GGNBP2: variants seen among roughly 807,000 people sequenced by gnomAD.
GGNBP2 encodes the protein gametogenetin-binding protein 2.
A neutral mutation model predicts 85.9 loss-of-function variants in GGNBP2; 10 were observed. The observed-to-expected ratio is 0.12, with a 90% CI of 0.07 to 0.20. The LOEUF (loss-of-function observed/expected upper bound fraction) is 0.20, where lower values mean the gene tolerates loss of function less well. Among genes scored for constraint, GGNBP2 ranks in the 10% least tolerant of loss-of-function variants. GGNBP2 has a pLI of 1.00. For synonymous variants in GGNBP2, 287 were observed against 285.7 expected (o/e 1.00, Z -0.05); for missense variants, 595 against 857.8 (o/e 0.69, Z 3.83).
At chr17:36,558,093 C>T in intron 4 of GGNBP2, among the ~76,000 whole-genome samples, 1 of 146,750 alleles carries the variant, frequency 6.8e-6, no homozygotes. Flanking sequence ...GCCAGGGCGA[C>T]AGAGCGAGAC....
intron 13 of GGNBP2, among the ~76,000 whole-genome samples, chr17:36,588,635 G>A (rs534244519): frequency 3.3e-5 from 5 of 149,378 alleles, no homozygotes; most frequent in South Asian, 2.1e-4. Flanking sequence ...TCGCTCTGTC[G>A]CCCAGGCTAG....
chr17:36,557,441 AT>A, intron 4 of GGNBP2, 105 bp downstream of exon 4: 1 of 976,148 alleles, frequency 1.0e-6, no homozygotes, highest in South Asian at 1.5e-5. Context: ...TGATTTAATA[AT>A]TTTATTGAGT....
chr17:36,550,877 A>G (rs918079597), intron 2 of GGNBP2, among the ~76,000 whole-genome samples: 14 of 152,218 alleles, frequency 9.2e-5, no homozygotes, highest in African/African-American at 3.1e-4. Flanking sequence ...TTAAAGAATG[A>G]AGAACAAATT....
intron 4 of GGNBP2, among the ~76,000 whole-genome samples, chr17:36,559,037 C>T (rs553395376): frequency 6.6e-6 from 1 of 152,216 alleles, no homozygotes; most frequent in East Asian, 1.9e-4. Flanking sequence ...TGGTTGCTCA[C>T]ACCTATAATC....
At chr17:36,554,673 G>T in intron 2 of GGNBP2, 147 bp from the exon 3 acceptor site, 1 of 641,334 alleles carries the variant, frequency 1.6e-6, no homozygotes. Flanking sequence ...ACCGCACCAG[G>T]CCATGTACTT....
chr17:36,558,723 T>C (rs2074388188), intron 4 of GGNBP2, among the ~76,000 whole-genome samples: 1 of 151,754 alleles, frequency 6.6e-6, no homozygotes, highest in Admixed American at 6.6e-5. Context: ...CCCAAAGTGC[T>C]CGGATTACAG....
rs1329225702 is a variant in GGNBP2, at chr17:36,579,398, T to C, written c.999T>C (p.Asp333=). The C allele has an allele frequency of 1.2e-6, 2 of 1,614,110 alleles. No individual in the cohort carries two copies. The highest frequency in any genetic ancestry group is 2.7e-5 in the African/African-American group (2 of 74,946). Reference sequence around the variant, plus strand: ...AGATGCTTTTCTATCTTGGTGTTGATGCTTTACGCAAGAGTTTTGAGGTAA... The same window carrying C: ...AGATGCTTTTCTATCTTGGTGTTGACGCTTTACGCAAGAGTTTTGAGGTAA... ...TWQMLFYLGV[D]ALRKSFEMTV... is the part of the protein sequence containing the mutation. Residue 333 remains aspartate, a synonymous_variant, in exon 8 of 14, where the codon GAT becomes GAC. Coordinates refer to ENST00000613102, the MANE Select transcript of GGNBP2 (RefSeq NM_024835.5).
At chr17:36,572,426 T>C (rs2074535103) in intron 6 of GGNBP2, among the ~76,000 whole-genome samples, 1 of 152,200 alleles carries the variant, frequency 6.6e-6, no homozygotes, top group African/African-American at 2.4e-5. Flanking sequence ...CTAAGCACAG[T>C]GTCTCACAGT....
At chr17:36,586,917 CTTTTT>C in intron 12 of GGNBP2, 75 bp from the exon 13 acceptor site, 23 of 1,069,326 alleles carry the variant, frequency 2.2e-5, no homozygotes, top group Admixed American at 2.9e-5. Context: ...CCGTGCCCCG[CTTTTT>C]TTTTTTTTTT....
intron 6 of GGNBP2, chr17:36,575,093 A>C: frequency 1.2e-6 from 1 of 841,484 alleles, no homozygotes. Context: ...CAGGGAGAAG[A>C]CATACATCTC....
intron 13 of GGNBP2, chr17:36,587,452 C>T: frequency 1.7e-6 from 1 of 597,010 alleles, no homozygotes; most frequent in East Asian, 2.8e-5. Context: ...CCATGGCCGC[C>T]TCTGTCTCAG....
In GGNBP2 at chr17:36,545,694, G is replaced by T; in HGVS notation, c.-31G>T. On this transcript the variant is annotated 5_prime_UTR_variant, in exon 2 of 14. Coordinates refer to ENST00000613102, the MANE Select transcript of GGNBP2 (RefSeq NM_024835.5). ...GCGGCGGCGGCAGCTGGGAGGAGGT[G>T]GTGACGGTGGCAACGGCAGCGTCGG... The T allele has an allele frequency of 6.6e-7, 1 of 1,518,032 alleles. No homozygotes were observed. The highest frequency in any genetic ancestry group is 9.0e-7 in the Non-Finnish European group (1 of 1,116,230). 94.0% of individuals were successfully genotyped at this position (1,518,032 alleles called of 1,614,324 possible).
At chr17:36,546,101 C>G in intron 2 of GGNBP2, 1 of 440,088 alleles carries the variant, frequency 2.3e-6, no homozygotes, top group East Asian at 3.3e-5. Flanking sequence ...CTGCTTTTGT[C>G]AAAGCACACA....
chr17:36,546,223 G>C, intron 2 of GGNBP2: 1 of 358,042 alleles, frequency 2.8e-6, no homozygotes, highest in Non-Finnish European at 5.0e-6. Context: ...ACTGCTACCT[G>C]TGTATTTTCT....
At chr17:36,546,100 T>C (rs79010839) in intron 2 of GGNBP2, 407,895 of 436,562 alleles carry the variant, frequency 0.93, 191,051 homozygotes, top group East Asian at 1. Flanking sequence ...GCTGCTTTTG[T>C]CAAAGCACAC....
chr17:36,574,101 A>G (rs12386067), intron 6 of GGNBP2, among the ~76,000 whole-genome samples: 7,105 of 152,138 alleles, frequency 0.047, 571 homozygotes, highest in African/African-American at 0.16. Flanking sequence ...TGCTGTGCCA[A>G]CGTTTTTAAG....
intron 6 of GGNBP2, among the ~76,000 whole-genome samples, chr17:36,569,100 A>T (rs1033601475): frequency 6.6e-6 from 1 of 151,358 alleles, no homozygotes; most frequent in African/African-American, 2.4e-5. Flanking sequence ...ATTCATAGGG[A>T]GGAGACTCCA....
In GGNBP2 at chr17:36,564,671, A is replaced by G. The variant is rs141681319; in HGVS notation, c.528-2992A>G. On this transcript the variant is annotated intron_variant, in intron 5 of 13. Transcript: ENST00000613102. The stretch of plus-strand genomic sequence containing the variant: ...GCTAAGCAGTACAGTATGCTTAGCC[A>G]AGGCTCCCTCTCCCTTGGATGGTCA... 2.1e-3 allele frequency among the ~76,000 whole-genome samples: 322 copies of G among 152,310 alleles called. 1 individual carries two copies. Among genetic ancestry groups the G allele is most frequent in the African/African-American group, 7.5e-3 (313 of 41,582 alleles).
intron 9 of GGNBP2, among the ~76,000 whole-genome samples, chr17:36,585,006 A>G (rs907115755): frequency 6.6e-6 from 1 of 152,170 alleles, no homozygotes; most frequent in Non-Finnish European, 1.5e-5. Flanking sequence ...ATCTGATACA[A>G]TTAATATTTT....
Sources: allele counts gnomAD v4.1 joint callset (sites outside exome capture counted in the v4.1 genomes callset), GRCh38; gene constraint gnomAD v4.1.1; transcripts MANE v1.5; gene names NCBI Gene and HGNC (gene_info 2026-07-23, HGNC 2026-07-21).